The following RGS8 variants were observed in gnomAD, a reference collection of about 807,000 sequenced individuals.
RGS8 encodes the protein regulator of G-protein signaling 8.
A neutral mutation model predicts 21.7 loss-of-function variants in RGS8; 8 were observed. The ratio of observed to expected loss-of-function variants is 0.37; its 90% CI spans 0.22 to 0.66. The LOEUF (loss-of-function observed/expected upper bound fraction) is 0.66. Among genes scored for constraint, RGS8 ranks in the 30% least tolerant of loss-of-function variants. The pLI is 0.59. For missense variants in RGS8, 157 were observed against 217.9 expected (o/e 0.72, Z 1.76); for synonymous variants, 80 against 83.6 (o/e 0.96, Z 0.24).
the RGS8 span, among the ~76,000 whole-genome samples, chr1:182,721,950 CACA>C: frequency 0.35 from 53,660 of 151,842 alleles, 9,806 homozygotes; most frequent in African/African-American, 0.47. Context: ...TCACAGTGCA[CACA>C]ATTATAAAAG....
upstream of RGS8, chr1:182,673,068 G>A (rs1201195944): frequency 1.4e-5 from 8 of 582,594 alleles, no homozygotes; most frequent in Non-Finnish European, 2.4e-5. Context: ...CTGGGAGAAA[G>A]CTTGTCTTCT....
At chr1:182,699,593 T>C in the RGS8 span, among the ~76,000 whole-genome samples, 1 of 152,330 alleles carries the variant, frequency 6.6e-6, no homozygotes, top group East Asian at 1.9e-4. Context: ...TCCACACAGA[T>C]CCCTGTTGGA....
downstream of RGS8, chr1:182,645,155 C>G (rs1442333840): frequency 2.0e-5 from 3 of 152,230 alleles, no homozygotes; most frequent in Non-Finnish European, 2.9e-5. Flanking sequence ...AGGCCCCTCA[C>G]CCCTTAAAAG....
intron 3 of RGS8, among the ~76,000 whole-genome samples, chr1:182,667,461 AG>A (rs1178335059): frequency 6.6e-6 from 1 of 152,218 alleles, no homozygotes; most frequent in Non-Finnish European, 1.5e-5. Context: ...GGGGGCCTCA[AG>A]GCAGGCCAGT....
At chr1:182,721,532 C>T in the RGS8 span, among the ~76,000 whole-genome samples, 2 of 152,154 alleles carry the variant, frequency 1.3e-5, no homozygotes, top group Non-Finnish European at 2.9e-5. Context: ...CCAATAATGC[C>T]TAAGAAAAGA....
chr1:182,676,167 C>T (rs1490401103), upstream of RGS8, among the ~76,000 whole-genome samples: 1 of 152,074 alleles, frequency 6.6e-6, no homozygotes, highest in Non-Finnish European at 1.5e-5. Flanking sequence ...AAAAGGAGCA[C>T]CTGGCATTGT....
At chr1:182,742,569 A>T in the RGS8 span, among the ~76,000 whole-genome samples, 1 of 152,268 alleles carries the variant, frequency 6.6e-6, no homozygotes, top group Non-Finnish European at 1.5e-5. Context: ...AATCCCCGTC[A>T]CCACCAAAAA....
At chr1:182,651,523 T>A (rs1050836965) in intron 5 of RGS8, among the ~76,000 whole-genome samples, 1 of 152,244 alleles carries the variant, frequency 6.6e-6, no homozygotes, top group Non-Finnish European at 1.5e-5. Context: ...TTTGAAGTAC[T>A]GTTTCCACTG....
At chr1:182,645,599 C>G (rs1291447702), downstream of RGS8, 1 of 152,176 alleles carries the variant, frequency 6.6e-6, no homozygotes, top group African/African-American at 2.4e-5. Flanking sequence ...ATGCTCAATT[C>G]CAAAAGGTCA....
intron 5 of RGS8, among the ~76,000 whole-genome samples, chr1:182,654,213 G>T (rs1282921188): frequency 6.6e-6 from 1 of 152,182 alleles, no homozygotes; most frequent in Non-Finnish European, 1.5e-5. Context: ...TCCAAAGCAA[G>T]GTCTCTCCAG....
chr1:182,720,940 T>TATATACATATATACATAC, the RGS8 span, among the ~76,000 whole-genome samples: 1 of 133,884 alleles, frequency 7.5e-6, no homozygotes, highest in Non-Finnish European at 1.6e-5. Flanking sequence ...TATATACATA[T>TATATACATATATACATAC]ATATACATAT....
intron 5 of RGS8, among the ~76,000 whole-genome samples, chr1:182,652,382 A>G (rs112438451): frequency 1.3e-5 from 2 of 152,350 alleles, no homozygotes; most frequent in African/African-American, 4.8e-5. Context: ...TCCAGGTTTC[A>G]GCTCTGTTGG....
chr1:182,712,443 T>G, the RGS8 span, among the ~76,000 whole-genome samples: 1 of 152,242 alleles, frequency 6.6e-6, no homozygotes, highest in Non-Finnish European at 1.5e-5. Context: ...AGCTATCTTT[T>G]TAGTCTGTTT....
At chr1:182,671,680 C>T (rs1209679715) in exon 2 of RGS8, 4 of 1,614,024 alleles carry the variant, frequency 2.5e-6, no homozygotes, top group African/African-American at 1.3e-5. Context: ...TCCTCATGGC[C>T]TGAGGGTCTT....
chr1:182,665,940 T>C, intron 5 of RGS8, 29 bp downstream of exon 6: 1 of 1,584,764 alleles, frequency 6.3e-7, no homozygotes, highest in Non-Finnish European at 8.7e-7. Flanking sequence ...TGATTTGCCA[T>C]GTCATGATAC....
At chr1:182,670,829 G>A (rs78048177) in intron 2 of RGS8, among the ~76,000 whole-genome samples, 2,549 of 152,248 alleles carry the variant, frequency 0.017, 79 homozygotes, top group African/African-American at 0.058. Flanking sequence ...TTCCCTGGCT[G>A]CAGGGACATT....
chr1:182,741,906 G>C, the RGS8 span, among the ~76,000 whole-genome samples: 1 of 144,298 alleles, frequency 6.9e-6, no homozygotes, highest in Admixed American at 6.8e-5. Flanking sequence ...CCTCCCGGAG[G>C]AGGTGGCTGC....
the RGS8 span, among the ~76,000 whole-genome samples, chr1:182,720,665 C>T: frequency 6.6e-6 from 1 of 152,010 alleles, no homozygotes; most frequent in Admixed American, 6.6e-5. Context: ...CCAGTACATT[C>T]CTTCCTCTAG....
At chr1:182,722,329 G>A in the RGS8 span, among the ~76,000 whole-genome samples, 8 of 131,462 alleles carry the variant, frequency 6.1e-5, no homozygotes, top group African/African-American at 2.1e-4. Context: ...AGATTGCACT[G>A]CATGAGTTTC....
Sources: allele counts gnomAD v4.1 joint callset (sites outside exome capture counted in the v4.1 genomes callset), GRCh38; gene constraint gnomAD v4.1.1; transcripts MANE v1.5; gene names NCBI Gene and HGNC (gene_info 2026-07-23, HGNC 2026-07-21).